Variants in ANO10 observed in about 807,000 individuals in gnomAD.
The protein encoded by ANO10 is anoctamin 10.
Under a neutral mutation model 74.7 loss-of-function variants are expected in ANO10, and 77 were observed. The observed-to-expected ratio is 1.03, with a 90% CI of 0.86 to 1.25. The LOEUF is 1.25. Ranked by LOEUF, ANO10 falls within the 50% of genes most tolerant of loss-of-function variation. The probability of loss-of-function intolerance (pLI) is 0.00; values close to 1 mark genes in which losing one functional copy is unlikely to be tolerated. For missense variants in ANO10, 721 were observed against 778.1 expected (o/e 0.93, Z 0.87); for synonymous variants, 279 against 284.9 (o/e 0.98, Z 0.21).
At chr3:43,674,223 T>C (rs1006421822) in intron 1 of ANO10, among the ~76,000 whole-genome samples, 4 of 152,330 alleles carry the variant, frequency 2.6e-5, no homozygotes, top group Non-Finnish European at 5.9e-5. Flanking sequence ...CACTGTAATG[T>C]TGAACTTCTG....
At chr3:43,645,721 C>G (rs2083719518) in intron 1 of ANO10, among the ~76,000 whole-genome samples, 1 of 152,170 alleles carries the variant, frequency 6.6e-6, no homozygotes, top group Non-Finnish European at 1.5e-5. Context: ...GCCCCTAGAG[C>G]TATTTCCTGG....
rs1027104638 is a variant in ANO10, at chr3:43,632,694, A to G, written c.-11-26831T>C. ...TTTGCTGCCCTAAATATATTCCAGC[A>G]TCTCCATGCAGCACTACACAGTTTC... On this transcript the variant is annotated intron_variant, in intron 1 of 3. Transcript: ENST00000413397. Among the ~76,000 whole-genome samples the G allele has an allele frequency of 5.3e-5, 8 of 152,246 alleles. No homozygotes were observed. In the East Asian group the frequency reaches 1.2e-3, roughly 22 times the overall value.
At chr3:43,455,514 G>A (rs138870598) in intron 11 of ANO10, among the ~76,000 whole-genome samples, 35 of 152,088 alleles carry the variant, frequency 2.3e-4, no homozygotes, top group East Asian at 1.9e-3. Context: ...AAGTCCTTGA[G>A]GAATGGGGGG....
chr3:43,543,589 C>T (rs1162236253), intron 11 of ANO10, among the ~76,000 whole-genome samples: 3 of 152,062 alleles, frequency 2.0e-5, no homozygotes, highest in Non-Finnish European at 1.5e-5. Context: ...GGGGTTTCAC[C>T]GTGTTAGCCA....
intron 11 of ANO10, among the ~76,000 whole-genome samples, chr3:43,522,358 T>G (rs1293486465): frequency 6.6e-6 from 1 of 151,792 alleles, no homozygotes; most frequent in Non-Finnish European, 1.5e-5. Context: ...CAGCTATTTC[T>G]GCATCTACAC....
At chr3:43,486,351 T>C (rs1301689837) in intron 11 of ANO10, among the ~76,000 whole-genome samples, 3 of 152,058 alleles carry the variant, frequency 2.0e-5, no homozygotes, top group African/African-American at 7.2e-5. Context: ...AAGAAAGGCA[T>C]TGGTAGCTTG....
In ANO10 at chr3:43,580,536, G is replaced by C. The variant is rs1436030314; in HGVS notation, c.473-64C>G. 5.0e-6 allele frequency: 8 copies of C among 1,597,216 alleles called. No individual in the cohort carries two copies. In the African/African-American group the frequency reaches 9.4e-5, roughly 19 times the overall value. Reference sequence around the variant, plus strand: ...TGGAGATTGTGCATGATACGCTTCAGCAAATACTATAAGGACACTCCACAG... The same window carrying C: ...TGGAGATTGTGCATGATACGCTTCACCAAATACTATAAGGACACTCCACAG... On this transcript the variant is annotated intron_variant, in intron 4 of 12. Coordinates refer to ENST00000292246, the MANE Select transcript of ANO10 (RefSeq NM_018075.5).
chr3:43,656,426 G>T (rs537386568), intron 1 of ANO10, among the ~76,000 whole-genome samples: 2 of 152,244 alleles, frequency 1.3e-5, no homozygotes, highest in African/African-American at 2.4e-5. Context: ...CCGTGCGCTC[G>T]CACTCCTCAG....
chr3:43,680,223 A>C (rs2084176210), intron 1 of ANO10, among the ~76,000 whole-genome samples: 1 of 152,170 alleles, frequency 6.6e-6, no homozygotes, highest in Non-Finnish European at 1.5e-5. Flanking sequence ...AGAATAACCA[A>C]TGCAGAGGAG....
At chr3:43,599,127 GAAGA>G (rs1391313729) in intron 3 of ANO10, among the ~76,000 whole-genome samples, 1 of 152,218 alleles carries the variant, frequency 6.6e-6, no homozygotes, top group African/African-American at 2.4e-5. Context: ...TAATGAGAGA[GAAGA>G]AAGTCTTTTA....
At chr3:43,574,105 C>A (rs1338403699) in intron 7 of ANO10, among the ~76,000 whole-genome samples, 1 of 149,352 alleles carries the variant, frequency 6.7e-6, no homozygotes, top group African/African-American at 2.5e-5. Context: ...CAGGTGCCAC[C>A]ATACCCGGTG....
chr3:43,445,555 C>G (rs2093232553), intron 11 of ANO10, among the ~76,000 whole-genome samples: 1 of 151,980 alleles, frequency 6.6e-6, no homozygotes, highest in Non-Finnish European at 1.5e-5. Context: ...CCAAACAAAC[C>G]ATCTAAAAAC....
At chr3:43,668,902 G>C (rs773497088) in intron 1 of ANO10, among the ~76,000 whole-genome samples, 4 of 151,802 alleles carry the variant, frequency 2.6e-5, no homozygotes, top group Non-Finnish European at 5.9e-5. Flanking sequence ...TTTTAATTGA[G>C]CATTAATTAC....
intron 6 of ANO10, among the ~76,000 whole-genome samples, chr3:43,575,963 G>A (rs751732050): frequency 6.6e-6 from 1 of 152,162 alleles, no homozygotes; most frequent in Non-Finnish European, 1.5e-5. Flanking sequence ...GTCCCATAAA[G>A]TTAAGGCTTT....
At chr3:43,384,734 T>C (rs2092067998) in intron 12 of ANO10, among the ~76,000 whole-genome samples, 2 of 152,226 alleles carry the variant, frequency 1.3e-5, no homozygotes, top group Admixed American at 6.5e-5. Context: ...AGAATGAGAC[T>C]GGATCTTCAT....
intron 9 of ANO10, among the ~76,000 whole-genome samples, chr3:43,555,763 T>A (rs1358889701): frequency 6.6e-6 from 1 of 152,240 alleles, no homozygotes; most frequent in African/African-American, 2.4e-5. Context: ...GAATCAGTCT[T>A]TCACTAAGAT....
intron 11 of ANO10, among the ~76,000 whole-genome samples, chr3:43,539,368 G>A (rs7620124): frequency 0.98 from 149,439 of 152,350 alleles, 73,362 homozygotes; most frequent in East Asian, 1. Flanking sequence ...AAAACCAAAC[G>A]TGCTTTTTTA....
chr3:43,527,749 A>C (rs2078271304), intron 11 of ANO10, among the ~76,000 whole-genome samples: 1 of 152,210 alleles, frequency 6.6e-6, no homozygotes, highest in African/African-American at 2.4e-5. Flanking sequence ...AGGGAAATAG[A>C]GATCTAGCGA....
At chr3:43,682,485 G>A (rs932622830) in intron 1 of ANO10, among the ~76,000 whole-genome samples, 1 of 152,094 alleles carries the variant, frequency 6.6e-6, no homozygotes. Context: ...ATTCACAGCC[G>A]AATTCTACCA....
Sources: allele counts gnomAD v4.1 joint callset (sites outside exome capture counted in the v4.1 genomes callset), GRCh38; gene constraint gnomAD v4.1.1; transcripts MANE v1.5; gene names NCBI Gene and HGNC (gene_info 2026-07-23, HGNC 2026-07-21).